The following ZFHX3 variants were observed in gnomAD, a reference collection of about 807,000 sequenced individuals.
ZFHX3 encodes zinc finger homeobox 3.
Under a neutral mutation model 279.1 loss-of-function variants are expected in ZFHX3, and 42 were observed. That is an observed-to-expected ratio of 0.15 (90% confidence interval 0.12 to 0.19). The LOEUF (loss-of-function observed/expected upper bound fraction) is 0.19. Ranked by LOEUF, ZFHX3 falls within the 10% of genes least tolerant of loss-of-function variation. ZFHX3 has a pLI of 1.00. For missense variants in ZFHX3, 4,981 were observed against 4,754.0 expected, an observed-to-expected ratio of 1.05 and a Z score of -1.40; for synonymous variants, 2,293 against 1,957.8, an observed-to-expected ratio of 1.17 and a Z score of -4.52.
At chr16:73,573,014 A>G (rs926385819) in intron 2 of ZFHX3, among the ~76,000 whole-genome samples, 3 of 152,160 alleles carry the variant, frequency 2.0e-5, no homozygotes, top group Non-Finnish European at 4.4e-5. Context: ...TCGAAGCTGG[A>G]TTATGCCATG....
chr16:73,541,305 CG>C (rs2020006875), intron 2 of ZFHX3, among the ~76,000 whole-genome samples: 1 of 151,904 alleles, frequency 6.6e-6, no homozygotes, highest in East Asian at 1.9e-4. Context: ...AGCAACATAG[CG>C]AGACCTCATC....
intron 7 of ZFHX3, among the ~76,000 whole-genome samples, chr16:73,120,941 A>G (rs922566977): frequency 2.6e-5 from 4 of 151,676 alleles, no homozygotes; most frequent in African/African-American, 9.7e-5. Flanking sequence ...GGTGTGAGCC[A>G]CTGTGCCGGG....
chr16:72,878,559 T>G (rs539806323), intron 4 of ZFHX3, among the ~76,000 whole-genome samples: 4 of 152,372 alleles, frequency 2.6e-5, no homozygotes, highest in African/African-American at 7.2e-5. Context: ...CTCTGGAGTG[T>G]GCAGAGTCAC....
chr16:73,869,662 C>G (rs1052680595), intron 1 of ZFHX3, among the ~76,000 whole-genome samples: 6 of 152,208 alleles, frequency 3.9e-5, no homozygotes, highest in African/African-American at 1.4e-4. Flanking sequence ...AACTAGGCAG[C>G]TTTTAACTTG....
chr16:73,297,939 C>G (rs895972436), intron 4 of ZFHX3, among the ~76,000 whole-genome samples: 1 of 151,770 alleles, frequency 6.6e-6, no homozygotes, highest in Non-Finnish European at 1.5e-5. Flanking sequence ...AATCCCAGTG[C>G]TTTGGGAGGC....
At chr16:73,533,043 C>A (rs558946460) in intron 2 of ZFHX3, among the ~76,000 whole-genome samples, 1 of 152,310 alleles carries the variant, frequency 6.6e-6, no homozygotes, top group South Asian at 2.1e-4. Flanking sequence ...ATCATAACAG[C>A]GTGAAAATGG....
intron 2 of ZFHX3, among the ~76,000 whole-genome samples, chr16:73,617,362 T>C (rs2052315288): frequency 6.6e-6 from 1 of 152,236 alleles, no homozygotes; most frequent in South Asian, 2.1e-4. Context: ...ATGTGAATTC[T>C]TCCCAGAGAA....
chr16:73,643,738 A>G (rs1375246669), intron 2 of ZFHX3, among the ~76,000 whole-genome samples: 1 of 152,180 alleles, frequency 6.6e-6, no homozygotes, highest in Non-Finnish European at 1.5e-5. Flanking sequence ...CACTCTGCCA[A>G]GTCTTTTCTC....
chr16:73,593,409 T>C (rs559516705), intron 2 of ZFHX3, among the ~76,000 whole-genome samples: 1 of 152,270 alleles, frequency 6.6e-6, no homozygotes, highest in South Asian at 2.1e-4. Flanking sequence ...CAAATAAAAA[T>C]GATAACATGT....
chr16:73,532,145 G>A (rs559860199), intron 2 of ZFHX3, among the ~76,000 whole-genome samples: 6 of 152,126 alleles, frequency 3.9e-5, no homozygotes, highest in South Asian at 4.2e-4. Flanking sequence ...TAGTTGATAC[G>A]GTTTGTCTGC....
chr16:73,416,860 C>A (rs1010250145), intron 3 of ZFHX3, among the ~76,000 whole-genome samples: 1 of 151,670 alleles, frequency 6.6e-6, no homozygotes, highest in Admixed American at 6.6e-5. Context: ...GGCGACAGAG[C>A]GAGACTCCGT....
At position 73,221,208 on chromosome 16, in the gene ZFHX3, G is replaced by A. The variant is rs542910948; in HGVS notation, c.-1104+35839C>T. 1.3e-4 allele frequency among the ~76,000 whole-genome samples: 20 copies of A among 152,114 alleles called. No homozygotes were observed. The South Asian group carries it at 4.2e-3, about 32-fold the overall frequency. ...TGTGCTTTTCTATATATTATACCAC[G>A]TCTTATTTTTTCTGCTTACAAATGG... On this transcript the variant is annotated intron_variant, in intron 5 of 17. Transcript: ENST00000641206.
At chr16:73,100,654 A>T (rs1458726805) in intron 7 of ZFHX3, among the ~76,000 whole-genome samples, 1 of 148,952 alleles carries the variant, frequency 6.7e-6, no homozygotes, top group African/African-American at 2.5e-5. Flanking sequence ...ACCTTGCCTC[A>T]CTACCACCTC....
intron 5 of ZFHX3, among the ~76,000 whole-genome samples, chr16:73,237,301 G>A (rs1048640784): frequency 6.6e-6 from 1 of 152,166 alleles, no homozygotes; most frequent in African/African-American, 2.4e-5. Flanking sequence ...TGTTGTCCAC[G>A]CTGGAGTGGT....
At chr16:73,726,472 G>A (rs1056864845) in intron 1 of ZFHX3, among the ~76,000 whole-genome samples, 15 of 152,132 alleles carry the variant, frequency 9.9e-5, no homozygotes, top group Admixed American at 2.6e-4. Context: ...TTTGTCCTAC[G>A]CATTGTAGGA....
rs1567516474 is a variant in ZFHX3, at chr16:72,796,298, C to G, written c.6384G>C (p.Leu2128=). 6.2e-7 allele frequency: 1 copy of G among 1,614,084 alleles called. No individual in the cohort carries two copies. Among genetic ancestry groups the G allele is most frequent in the East Asian group, 2.2e-5 (1 of 44,874 alleles). The stretch of plus-strand genomic sequence containing the variant: ...TGAGCTGATGCTGGTAGAGTTGGGC[C>G]AGGTCCGCAGGCAGAGGCTCCACAG... The part of the protein sequence containing the change: ...LGPVEPLPAD[L]AQLYQHQLNP... The change falls in exon 9 of 10, where the codon CTG becomes CTC. Residue 2128 remains leucine, a synonymous_variant. Coordinates refer to ENST00000268489, the MANE Select transcript of ZFHX3 (RefSeq NM_006885.4).
chr16:73,847,904 G>GTTTTT (rs60189791), intron 1 of ZFHX3, among the ~76,000 whole-genome samples: 1 of 80,052 alleles, frequency 1.2e-5, no homozygotes, highest in African/African-American at 5.9e-5. Flanking sequence ...TGCCTGGCTA[G>GTTTTT]TTTTTTTTTT....
intron 2 of ZFHX3, among the ~76,000 whole-genome samples, chr16:73,589,732 T>TAAAAA (rs2051972266): frequency 6.7e-5 from 1 of 14,944 alleles, no homozygotes; most frequent in Non-Finnish European, 1.3e-4. Flanking sequence ...AGACTCCGTC[T>TAAAAA]CAAAAAAAAA....
At chr16:73,030,494 T>C (rs1320330566) in intron 1 of ZFHX3, among the ~76,000 whole-genome samples, 2 of 152,250 alleles carry the variant, frequency 1.3e-5, no homozygotes, top group Non-Finnish European at 2.9e-5. Flanking sequence ...CGGCAGCCTC[T>C]AAGTAAGACT....
Sources: allele counts gnomAD v4.1 joint callset (sites outside exome capture counted in the v4.1 genomes callset), GRCh38; gene constraint gnomAD v4.1.1; transcripts MANE v1.5; gene names NCBI Gene and HGNC (gene_info 2026-07-23, HGNC 2026-07-21).